Variants in EBF3 observed in about 807,000 individuals in gnomAD.
EBF3 encodes transcription factor COE3.
EBF3 carries 18 observed loss-of-function variants against 77.1 expected under a neutral mutation model. That is an observed-to-expected ratio of 0.23 (90% CI 0.16 to 0.35). The LOEUF is 0.35. EBF3 is among the 10% of genes least tolerant of loss of function. The pLI is 1.00. For synonymous variants in EBF3, 350 were observed against 343.5 expected (o/e 1.02, Z -0.21); for missense variants, 558 against 860.0 (o/e 0.65, Z 4.39).
intron 10 of EBF3, among the ~76,000 whole-genome samples, chr10:129,853,576 C>T (rs986205568): frequency 3.3e-5 from 5 of 152,140 alleles, no homozygotes; most frequent in African/African-American, 9.7e-5. Context: ...GACAAGAATG[C>T]GCCTCAATTA....
intron 6 of EBF3, among the ~76,000 whole-genome samples, chr10:129,955,254 A>G (rs905109641): frequency 1.3e-5 from 2 of 152,234 alleles, no homozygotes; most frequent in Non-Finnish European, 2.9e-5. Flanking sequence ...AATCCCTAAA[A>G]TAGACGGTGA....
At chr10:129,902,935 G>A (rs113868953) in intron 6 of EBF3, among the ~76,000 whole-genome samples, 9 of 152,300 alleles carry the variant, frequency 5.9e-5, no homozygotes, top group East Asian at 1.9e-4. Context: ...TCCAAGAGAC[G>A]GCGGCCTCTC....
At chr10:129,941,149 A>G (rs964654738) in intron 6 of EBF3, among the ~76,000 whole-genome samples, 3 of 152,260 alleles carry the variant, frequency 2.0e-5, no homozygotes, top group African/African-American at 7.2e-5. Context: ...TCCTACCTCC[A>G]TAGTAGATTG....
intron 10 of EBF3, among the ~76,000 whole-genome samples, chr10:129,856,609 C>T (rs1258738802): frequency 6.6e-6 from 1 of 152,168 alleles, no homozygotes; most frequent in African/African-American, 2.4e-5. Flanking sequence ...GCACAGGCTG[C>T]CCTCCATGCT....
chr10:129,926,952 G>T (rs970801773), intron 6 of EBF3, among the ~76,000 whole-genome samples: 9 of 152,216 alleles, frequency 5.9e-5, no homozygotes, highest in Non-Finnish European at 1.2e-4. Context: ...CCGATTCAGG[G>T]CTTCTTGGGA....
intron 8 of EBF3, among the ~76,000 whole-genome samples, chr10:129,871,631 A>G (rs1852417256): frequency 6.6e-6 from 1 of 152,208 alleles, no homozygotes; most frequent in Admixed American, 6.5e-5. Flanking sequence ...ATATGCGCAG[A>G]CTTAAAAGGA....
At chr10:129,933,545 G>A (rs986700199) in intron 6 of EBF3, among the ~76,000 whole-genome samples, 2 of 152,196 alleles carry the variant, frequency 1.3e-5, no homozygotes, top group South Asian at 2.1e-4. Flanking sequence ...TGAAGCCCTC[G>A]GAAGCCGCTG....
intron 6 of EBF3, among the ~76,000 whole-genome samples, chr10:129,949,124 C>A (rs1389770433): frequency 6.6e-6 from 1 of 152,082 alleles, no homozygotes; most frequent in Non-Finnish European, 1.5e-5. Context: ...CATGGAGAAA[C>A]CCTGTCTCTA....
intron 6 of EBF3, among the ~76,000 whole-genome samples, chr10:129,883,624 C>T (rs758661494): frequency 6.6e-5 from 10 of 152,118 alleles, no homozygotes; most frequent in Admixed American, 6.5e-5. Context: ...AGCCCTATTC[C>T]GGATCGAGCC....
Position 129,842,421 on chromosome 10 carries a change from A to C in EBF3, c.1195-128T>G. 1.9e-6 allele frequency: 2 copies of C among 1,060,728 alleles called. No homozygotes were observed. Among genetic ancestry groups the C allele is most frequent in the Non-Finnish European group, 1.3e-6 (1 of 760,018 alleles). 65.7% of individuals were successfully genotyped at this position (1,060,728 alleles called of 1,614,324 possible). A position where few individuals can be genotyped will look rare whatever the true frequency, so the allele number is the denominator to read the frequency against. ...AGACCATGACCAAATCTATTTCTTA[A>C]TGGGCAAAGAGCTTCCCCTAGAAAA... On this transcript the variant is annotated intron_variant, in intron 12 of 16. Coordinates refer to ENST00000440978, the MANE Select transcript of EBF3 (RefSeq NM_001375380.1). The surrounding 1 kb of genome is among the most constrained non-coding windows in gnomAD (Gnocchi z 4.4).
chr10:129,868,004 G>A lies in EBF3; in HGVS notation c.782-92C>T, dbSNP rs1375571982. Reference sequence around the variant, plus strand: ...CCACCGCGCGTCCCGCGGCCACCGCGGGAGGAGAGGCGCGCCGTTCCTCCA... The same window carrying A: ...CCACCGCGCGTCCCGCGGCCACCGCAGGAGGAGAGGCGCGCCGTTCCTCCA... On this transcript the variant is annotated intron_variant, in intron 8 of 16. Coordinates refer to ENST00000440978, the MANE Select transcript of EBF3 (RefSeq NM_001375380.1). The A allele has an allele frequency of 2.6e-5, 40 of 1,538,608 alleles. 1 individual carries two copies. The highest frequency in any genetic ancestry group is 1.9e-4 in the South Asian group (16 of 82,290).
In EBF3 at chr10:129,842,092, G is replaced by C. The variant is rs781589085; in HGVS notation, c.1372+24C>G. ...ACCCTCGGAGGGCGTTCAGGGCAGG[G>C]GTCCTCCCAGCATGCTGGCATACCT... On this transcript the variant is annotated intron_variant, in intron 13 of 16. Transcript: ENST00000440978. This position sits in a 1 kb window ranked among gnomAD's most constrained non-coding sequence, Gnocchi z 4.4. 6.2e-7 allele frequency: 1 copy of C among 1,614,058 alleles called. No individual in the cohort carries two copies. Among genetic ancestry groups the C allele is most frequent in the Non-Finnish European group, 8.5e-7 (1 of 1,179,966 alleles).
At chr10:129,905,541 T>C (rs1476933769) in intron 6 of EBF3, among the ~76,000 whole-genome samples, 1 of 152,214 alleles carries the variant, frequency 6.6e-6, no homozygotes, top group Non-Finnish European at 1.5e-5. Flanking sequence ...TGGCCACCAC[T>C]GGTCTAGGGA....
intron 6 of EBF3, among the ~76,000 whole-genome samples, chr10:129,913,055 A>C (rs148252559): frequency 1.3e-5 from 2 of 152,330 alleles, no homozygotes; most frequent in Non-Finnish European, 2.9e-5. Flanking sequence ...TGATTCACAA[A>C]TTGACAGCCC....
chr10:129,895,293 G>A (rs1413561546), intron 6 of EBF3, among the ~76,000 whole-genome samples: 1 of 152,232 alleles, frequency 6.6e-6, no homozygotes, highest in East Asian at 1.9e-4. Flanking sequence ...CTGCGAAGTG[G>A]ATGGATGCCT....
intron 6 of EBF3, among the ~76,000 whole-genome samples, chr10:129,922,326 G>C (rs985131476): frequency 6.6e-6 from 1 of 152,198 alleles, no homozygotes; most frequent in African/African-American, 2.4e-5. Context: ...TCCCAAGACA[G>C]CATAGCAGGT....
chr10:129,918,064 C>T (rs1187768236), intron 6 of EBF3, among the ~76,000 whole-genome samples: 1 of 152,214 alleles, frequency 6.6e-6, no homozygotes, highest in South Asian at 2.1e-4. Flanking sequence ...GAAAAGCCTG[C>T]CCCTGGTCAC....
intron 6 of EBF3, among the ~76,000 whole-genome samples, chr10:129,884,613 C>T (rs868080484): frequency 2.6e-5 from 4 of 152,176 alleles, no homozygotes; most frequent in Non-Finnish European, 2.9e-5. Flanking sequence ...GGGCAGAGGG[C>T]GGCAAGCTTG....
intron 6 of EBF3, among the ~76,000 whole-genome samples, chr10:129,880,009 T>C (rs991385811): frequency 6.6e-6 from 1 of 152,198 alleles, no homozygotes; most frequent in Non-Finnish European, 1.5e-5. Context: ...TGTTTGTGAT[T>C]TGAGAGATTT....
Sources: allele counts gnomAD v4.1 joint callset (sites outside exome capture counted in the v4.1 genomes callset), GRCh38; gene constraint gnomAD v4.1.1; non-coding constraint Gnocchi (gnomAD v3.1); transcripts MANE v1.5; gene names NCBI Gene and HGNC (gene_info 2026-07-23, HGNC 2026-07-21).